PDE10A: variants seen among roughly 807,000 people sequenced by gnomAD.
The protein encoded by PDE10A is cAMP and cAMP-inhibited cGMP 3',5'-cyclic phosphodiesterase 10A.
A neutral mutation model predicts 97.7 loss-of-function variants in PDE10A; 39 were observed. That is an observed-to-expected ratio of 0.40 (90% CI 0.31 to 0.52). PDE10A has a LOEUF of 0.52. PDE10A is among the 20% of genes least tolerant of loss of function. The pLI, the probability that PDE10A is intolerant of heterozygous loss-of-function variation, is 0.56. For synonymous variants in PDE10A, 371 were observed against 376.8 expected (o/e 0.98, Z 0.18); for missense variants, 731 against 1,047.8 (o/e 0.70, Z 4.17).
In PDE10A at chr6:165,824,473, C is replaced by G. The variant is rs184185505; in HGVS notation, c.-615+163056G>C. On this transcript the variant is annotated intron_variant, in intron 1 of 19. Coordinates refer to the PDE10A transcript ENST00000366882. ...CACTACAAATGGATTTTACTCATAA[C>G]CTATGTTTACCTCACCATGGTCTTC... Among the ~76,000 whole-genome samples, 7 of 152,286 alleles carry G rather than the reference C, an allele frequency of 4.6e-5. No homozygotes were observed. The East Asian group carries it at 9.6e-4, about 21-fold the overall frequency.
chr6:165,434,036 A>G lies in PDE10A; in HGVS notation c.1336-907T>C, dbSNP rs476978. ...CGTCTCAAAAAAAAAAAAAAAAAAA[A>G]AAGAAGTAGTACAGGGAAATTGAAT... On this transcript the variant is annotated intron_variant, in intron 6 of 21. Transcript: ENST00000539869. Among the ~76,000 whole-genome samples, 1,196 of 144,466 alleles carry G rather than the reference A, an allele frequency of 8.3e-3. 22 individuals are homozygous for G. The highest frequency in any genetic ancestry group is 0.028 in the African/African-American group (1,114 of 39,108). 94.8% of individuals were successfully genotyped at this position (144,466 alleles called of 152,430 possible).
intron 1 of PDE10A, among the ~76,000 whole-genome samples, chr6:165,950,653 T>C (rs1783924559): frequency 6.6e-6 from 1 of 152,124 alleles, no homozygotes; most frequent in African/African-American, 2.4e-5. Flanking sequence ...GGCCTTCTAG[T>C]CAGGAGGACA....
chr6:165,338,099 A>G (rs1207945339), intron 20 of PDE10A, among the ~76,000 whole-genome samples: 1 of 152,210 alleles, frequency 6.6e-6, no homozygotes, highest in African/African-American at 2.4e-5. Context: ...ACCTGCAGTA[A>G]ACACGATAGG....
At chr6:165,631,707 C>G (rs1163950834) in intron 1 of PDE10A, among the ~76,000 whole-genome samples, 1 of 152,020 alleles carries the variant, frequency 6.6e-6, no homozygotes, top group Non-Finnish European at 1.5e-5. Flanking sequence ...CAGTAATTAC[C>G]AAGAGTAAAG....
chr6:165,753,583 G>T lies in PDE10A; in HGVS notation c.-614-210015C>A, dbSNP rs557038202. Among the ~76,000 whole-genome samples, 40 of 152,238 alleles carry T rather than the reference G, an allele frequency of 2.6e-4. 1 individual carries two copies. The highest frequency in any genetic ancestry group is 3.4e-3 in the Middle Eastern group (1 of 294). ...ATGTTCAGGTTTTACTTTAAAAATAGACATCATTTTAATTTTAGTTTTTAG... is the reference window on the plus strand; with the variant it reads ...ATGTTCAGGTTTTACTTTAAAAATATACATCATTTTAATTTTAGTTTTTAG... On this transcript the variant is annotated intron_variant, in intron 1 of 19. Transcript: ENST00000366882.
intron 1 of PDE10A, among the ~76,000 whole-genome samples, chr6:165,810,253 G>T (rs1387842733): frequency 6.6e-6 from 1 of 152,212 alleles, no homozygotes; most frequent in Non-Finnish European, 1.5e-5. Context: ...TCATCATCCT[G>T]ACTGGGCTGC....
rs145137771 is a variant in PDE10A, at chr6:165,681,394, A to ATGTGTGTGTG, written c.-614-137836_-614-137827dup. Reference sequence around the variant, plus strand: ...TAACCTCAATAATTGTCTTGGGAAAATGTGTGTGTGTGTGTGTGTGTGTGT... The same window carrying ATGTGTGTGTG: ...TAACCTCAATAATTGTCTTGGGAAAATGTGTGTGTGTGTGTGTGTGTGTGTGTGTGTGTGT... On this transcript the variant is annotated intron_variant, in intron 1 of 19. Transcript: ENST00000366882. Among the ~76,000 whole-genome samples, 1,495 of 150,522 alleles carry ATGTGTGTGTG rather than the reference A, an allele frequency of 9.9e-3. 24 individuals are homozygous for ATGTGTGTGTG. Among genetic ancestry groups the ATGTGTGTGTG allele is most frequent in the African/African-American group, 0.035 (1,431 of 40,800 alleles).
At chr6:165,822,494 A>G (rs1779601712) in intron 1 of PDE10A, among the ~76,000 whole-genome samples, 1 of 152,230 alleles carries the variant, frequency 6.6e-6, no homozygotes, top group African/African-American at 2.4e-5. Flanking sequence ...GGTGTAGCCC[A>G]TTGCTCCCAG....
At chr6:165,796,086 CTTTT>C (rs371038731) in intron 1 of PDE10A, among the ~76,000 whole-genome samples, 131 of 120,466 alleles carry the variant, frequency 1.1e-3, no homozygotes, top group African/African-American at 4.0e-3. Context: ...TCTTTTTTTT[CTTTT>C]CTTTTTTTTT....
intron 1 of PDE10A, among the ~76,000 whole-genome samples, chr6:165,981,137 C>A (rs145051270): frequency 1.3e-5 from 2 of 152,130 alleles, no homozygotes; most frequent in East Asian, 3.9e-4. Flanking sequence ...AAATATAGGC[C>A]ATTTACAACA....
chr6:165,475,596 C>T (rs1328885370), intron 3 of PDE10A, among the ~76,000 whole-genome samples: 1 of 152,116 alleles, frequency 6.6e-6, no homozygotes, highest in Admixed American at 6.5e-5. Flanking sequence ...TGCATCAAGT[C>T]CATAAAAAAT....
At chr6:165,792,348 G>A (rs909679816) in intron 1 of PDE10A, among the ~76,000 whole-genome samples, 9 of 152,296 alleles carry the variant, frequency 5.9e-5, no homozygotes, top group East Asian at 1.9e-4. Context: ...GTAAGGGAGC[G>A]GGAAGGAACA....
chr6:165,477,083 T>G (rs748050425), intron 3 of PDE10A, among the ~76,000 whole-genome samples: 9 of 152,192 alleles, frequency 5.9e-5, no homozygotes, highest in Non-Finnish European at 1.2e-4. Context: ...ACTGACAGAG[T>G]ATCCCTCAAA....
intron 1 of PDE10A, among the ~76,000 whole-genome samples, chr6:165,620,883 T>TGATAGTG (rs1788096094): frequency 6.6e-6 from 1 of 152,010 alleles, no homozygotes; most frequent in Non-Finnish European, 1.5e-5. Flanking sequence ...TAGCTGGGTA[T>TGATAGTG]GATAGTGTGC....
intron 5 of PDE10A, among the ~76,000 whole-genome samples, chr6:165,441,541 AT>A (rs1472919740): frequency 6.6e-6 from 1 of 152,232 alleles, no homozygotes; most frequent in East Asian, 1.9e-4. Flanking sequence ...TAATTACACA[AT>A]TACTAAGTGG....
chr6:165,507,389 C>T (rs773277630), intron 2 of PDE10A, among the ~76,000 whole-genome samples: 18 of 152,148 alleles, frequency 1.2e-4, no homozygotes, highest in Non-Finnish European at 2.1e-4. Context: ...TTAGTTCTGT[C>T]GTGAGGATTA....
chr6:165,902,334 C>T (rs558615031), intron 1 of PDE10A, among the ~76,000 whole-genome samples: 17 of 152,294 alleles, frequency 1.1e-4, no homozygotes, highest in African/African-American at 2.9e-4. Flanking sequence ...AATGAGCAAG[C>T]GGCAAGCCGG....
At chr6:165,619,700 CAGTGT>C (rs1217108127) in intron 1 of PDE10A, among the ~76,000 whole-genome samples, 1 of 42,550 alleles carries the variant, frequency 2.4e-5, no homozygotes, top group Non-Finnish European at 5.2e-5. Context: ...TAGTGTAGTC[CAGTGT>C]AGTGTAGTGT....
intron 1 of PDE10A, among the ~76,000 whole-genome samples, chr6:165,646,210 C>CT (rs1213650412): frequency 6.6e-5 from 10 of 152,194 alleles, no homozygotes; most frequent in African/African-American, 2.4e-4. Context: ...GTCACAGCCT[C>CT]TTTTAAAAAT....
Sources: allele counts gnomAD v4.1 joint callset (sites outside exome capture counted in the v4.1 genomes callset), GRCh38; gene constraint gnomAD v4.1.1; transcripts MANE v1.5; gene names NCBI Gene and HGNC (gene_info 2026-07-23, HGNC 2026-07-21).